Variants in XRCC4 observed in about 807,000 individuals in gnomAD.
XRCC4 encodes DNA repair protein XRCC4.
Under a neutral mutation model 39.1 loss-of-function variants are expected in XRCC4, and 28 were observed. The observed-to-expected ratio is 0.72, with a 90% CI of 0.53 to 0.98. XRCC4 has a LOEUF of 0.98. Ranked by LOEUF, XRCC4 falls within the 50% of genes least tolerant of loss-of-function variation. The pLI is 0.00. For synonymous variants in XRCC4, 123 were observed against 126.4 expected (o/e 0.97, Z 0.18); for missense variants, 350 against 376.4 (o/e 0.93, Z 0.58).
intron 1 of XRCC4, among the ~76,000 whole-genome samples, chr5:83,082,568 G>A (rs1561312012): frequency 6.6e-6 from 1 of 152,050 alleles, no homozygotes; most frequent in Non-Finnish European, 1.5e-5. Flanking sequence ...AAAACCTTTC[G>A]TGAATCATTT....
intron 7 of XRCC4, among the ~76,000 whole-genome samples, chr5:83,261,250 C>T (rs534067478): frequency 7.2e-5 from 11 of 151,930 alleles, no homozygotes; most frequent in African/African-American, 2.7e-4. Context: ...AATGGCTAGC[C>T]CTTATTTTAA....
chr5:83,373,307 T>C, the XRCC4 span, among the ~76,000 whole-genome samples: 1 of 152,140 alleles, frequency 6.6e-6, no homozygotes, highest in Admixed American at 6.5e-5. Context: ...AATTGCTTTT[T>C]AGTCAGCTGT....
chr5:83,087,776 T>C (rs1189172346), intron 1 of XRCC4, among the ~76,000 whole-genome samples: 2 of 152,168 alleles, frequency 1.3e-5, no homozygotes, highest in Non-Finnish European at 2.9e-5. Flanking sequence ...GAAAATTTAG[T>C]AATTTACTCT....
At chr5:83,097,621 T>A (rs1449435595) in intron 1 of XRCC4, among the ~76,000 whole-genome samples, 2 of 152,144 alleles carry the variant, frequency 1.3e-5, no homozygotes, top group East Asian at 3.8e-4. Flanking sequence ...CCCTCACTCT[T>A]TTGGAATTGA....
intron 6 of XRCC4, among the ~76,000 whole-genome samples, chr5:83,236,036 G>T (rs1752674545): frequency 6.6e-6 from 1 of 151,848 alleles, no homozygotes; most frequent in South Asian, 2.1e-4. Context: ...TCTACAATGA[G>T]AATTATAAAA....
intron 7 of XRCC4, among the ~76,000 whole-genome samples, chr5:83,304,409 C>G (rs1187943404): frequency 6.6e-6 from 1 of 152,078 alleles, no homozygotes; most frequent in Non-Finnish European, 1.5e-5. Flanking sequence ...ACTCTTTTCT[C>G]TTTATTTGCT....
At chr5:83,258,025 C>G (rs758708097) in intron 6 of XRCC4, among the ~76,000 whole-genome samples, 33 of 152,066 alleles carry the variant, frequency 2.2e-4, no homozygotes, top group Non-Finnish European at 4.6e-4. Flanking sequence ...ACATCACACA[C>G]CGGGGCCTGT....
chr5:83,283,731 T>C (rs1263240749), intron 7 of XRCC4, among the ~76,000 whole-genome samples: 1 of 152,152 alleles, frequency 6.6e-6, no homozygotes, highest in East Asian at 1.9e-4. Flanking sequence ...GTGCCCCACC[T>C]TCCTTCTCAG....
the XRCC4 span, among the ~76,000 whole-genome samples, chr5:83,359,492 TTGCACAC>T: frequency 6.6e-6 from 1 of 152,022 alleles, no homozygotes; most frequent in African/African-American, 2.4e-5. Flanking sequence ...ATGAGCAAAT[TTGCACAC>T]AGAAGCAGAG....
intron 4 of XRCC4, among the ~76,000 whole-genome samples, chr5:83,196,713 ATTATGTGGAATATATATATAATAAT>A (rs1281337191): frequency 1.3e-5 from 2 of 151,490 alleles, no homozygotes; most frequent in East Asian, 3.9e-4. Context: ...TGTCTGAAAA[ATTATGTGGAATATATATATAATAAT>A]GATAATAATT....
chr5:83,233,733 C>G lies in XRCC4; in HGVS notation c.746-24797C>G, dbSNP rs1315311089. Among the ~76,000 whole-genome samples the G allele has an allele frequency of 4.1e-5, 4 of 98,612 alleles. No individual in the cohort carries two copies. The South Asian group carries it at 1.3e-3, about 33-fold the overall frequency. The allele number at this position is 98,612 out of a possible 152,430, so 64.7% of individuals were successfully genotyped here. A position where few individuals can be genotyped will look rare whatever the true frequency, so the allele number is the denominator to read the frequency against. ...TGAAACCCTGTCTCTACTAAAAATG[C>G]AAAAAAAAAAAAAAAGCAATTAGCC... On this transcript the variant is annotated intron_variant, in intron 6 of 7. Coordinates refer to ENST00000396027, the MANE Select transcript of XRCC4 (RefSeq NM_003401.5).
At chr5:83,148,379 C>A (rs760973580) in intron 3 of XRCC4, among the ~76,000 whole-genome samples, 18 of 152,034 alleles carry the variant, frequency 1.2e-4, no homozygotes, top group Non-Finnish European at 2.4e-4. Flanking sequence ...GGCTTTGTGA[C>A]CTTCAACATT....
At chr5:83,343,961 T>A (rs1756839248) in intron 7 of XRCC4, among the ~76,000 whole-genome samples, 1 of 152,116 alleles carries the variant, frequency 6.6e-6, no homozygotes, top group Non-Finnish European at 1.5e-5. Flanking sequence ...CTAAACCTTC[T>A]CCTCTTCCAT....
At chr5:83,244,440 A>C (rs568430578) in intron 6 of XRCC4, among the ~76,000 whole-genome samples, 2 of 152,306 alleles carry the variant, frequency 1.3e-5, no homozygotes, top group African/African-American at 4.8e-5. Context: ...GAAGTTCTAC[A>C]TCTCTTACTA....
At chr5:83,137,967 TAG>T (rs1305438982) in intron 3 of XRCC4, among the ~76,000 whole-genome samples, 2 of 152,190 alleles carry the variant, frequency 1.3e-5, no homozygotes, top group Non-Finnish European at 2.9e-5. Flanking sequence ...ACATAGTATC[TAG>T]GCCTGACTCT....
chr5:83,274,981 G>A lies in XRCC4; in HGVS notation c.893+16304G>A, dbSNP rs556125879. On this transcript the variant is annotated intron_variant, in intron 7 of 7. Coordinates refer to ENST00000396027, the MANE Select transcript of XRCC4 (RefSeq NM_003401.5). ...TATCACTGTGTGGAAAATGGATTTG[G>A]AAGTAGGGAGCTTGTGATAACAGAC... Among the ~76,000 whole-genome samples, 6 of 152,312 alleles carry A rather than the reference G, an allele frequency of 3.9e-5. No homozygotes were observed. In the South Asian group the frequency reaches 1.2e-3, roughly 32 times the overall value.
intron 7 of XRCC4, among the ~76,000 whole-genome samples, chr5:83,316,016 T>G (rs1015678473): frequency 6.6e-6 from 1 of 152,114 alleles, no homozygotes; most frequent in East Asian, 1.9e-4. Flanking sequence ...CTGTTCTAGA[T>G]GCCATTAAGA....
At chr5:83,166,453 C>T (rs1344561648) in intron 3 of XRCC4, among the ~76,000 whole-genome samples, 1 of 141,250 alleles carries the variant, frequency 7.1e-6, no homozygotes, top group Non-Finnish European at 1.5e-5. Flanking sequence ...TATAAGTGTT[C>T]CTGTTTGTTT....
chr5:83,335,984 A>ATGAGTT (rs1756583000), intron 7 of XRCC4, among the ~76,000 whole-genome samples: 1 of 152,048 alleles, frequency 6.6e-6, no homozygotes, highest in Non-Finnish European at 1.5e-5. Flanking sequence ...ATTCTTACAG[A>ATGAGTT]TGAGTTTTTT....
Sources: allele counts gnomAD v4.1 joint callset (sites outside exome capture counted in the v4.1 genomes callset), GRCh38; gene constraint gnomAD v4.1.1; transcripts MANE v1.5; gene names NCBI Gene and HGNC (gene_info 2026-07-23, HGNC 2026-07-21).